Variants in PRKCQ observed in about 807,000 individuals in gnomAD.
The protein encoded by PRKCQ is protein kinase C theta.
Under a neutral mutation model 91.2 loss-of-function variants are expected in PRKCQ, and 41 were observed. The observed-to-expected ratio is 0.45, with a 90% CI of 0.35 to 0.58. PRKCQ has a LOEUF of 0.58. Ranked by LOEUF, PRKCQ falls within the 20% of genes least tolerant of loss-of-function variation. The pLI, the probability that PRKCQ is intolerant of heterozygous loss-of-function variation, is 0.00. For missense variants in PRKCQ, 673 were observed against 896.5 expected (o/e 0.75, Z 3.18); for synonymous variants, 307 against 316.9 (o/e 0.97, Z 0.33).
Position 6,464,304 on chromosome 10 carries a change from G to C in PRKCQ, c.1445+9C>G. 1 of 1,610,246 alleles carries C rather than the reference G, an allele frequency of 6.2e-7. No individual in the cohort carries two copies. Among genetic ancestry groups the C allele is most frequent in the Non-Finnish European group, 8.5e-7 (1 of 1,178,098 alleles). On this transcript the variant is annotated intron_variant, in intron 13 of 17. Coordinates refer to ENST00000263125, the MANE Select transcript of PRKCQ (RefSeq NM_006257.5). The stretch of plus-strand genomic sequence containing the variant: ...GTGGAAAACTCCCAAACCCTTTAAA[G>C]CCTCTTACGTCGCTCTGGAAAGGTC...
intron 17 of PRKCQ, among the ~76,000 whole-genome samples, chr10:6,428,907 G>A (rs1368562426): frequency 6.6e-6 from 1 of 152,174 alleles, no homozygotes; most frequent in African/African-American, 2.4e-5. Flanking sequence ...CACAGACTGG[G>A]ACAGACTCCT....
chr10:6,505,668 CTT>C (rs1470292881), intron 4 of PRKCQ, among the ~76,000 whole-genome samples: 1 of 148,240 alleles, frequency 6.7e-6, no homozygotes, highest in African/African-American at 2.5e-5. Flanking sequence ...TCTTTCCTTT[CTT>C]TCTTTCACTG....
intron 12 of PRKCQ, among the ~76,000 whole-genome samples, chr10:6,478,496 A>G (rs4750517): frequency 0.28 from 42,896 of 152,028 alleles, 6,176 homozygotes; most frequent in Middle Eastern, 0.32. Flanking sequence ...GGGTCCCAAC[A>G]CCGAGTGGGA....
chr10:6,477,143 T>C (rs904587362), intron 12 of PRKCQ, among the ~76,000 whole-genome samples: 4 of 152,218 alleles, frequency 2.6e-5, no homozygotes, highest in African/African-American at 7.2e-5. Context: ...CCCAAGGCCC[T>C]TTCTGCCCAT....
chr10:6,527,985 C>CT (rs1264707335), intron 1 of PRKCQ, among the ~76,000 whole-genome samples: 1 of 152,204 alleles, frequency 6.6e-6, no homozygotes, highest in Non-Finnish European at 1.5e-5. Context: ...TCTCCTGACT[C>CT]TGAGGCAGGT....
At chr10:6,441,568 A>G (rs1329630176) in intron 16 of PRKCQ, among the ~76,000 whole-genome samples, 1 of 151,994 alleles carries the variant, frequency 6.6e-6, no homozygotes, top group Non-Finnish European at 1.5e-5. Context: ...CCAAGTAGCT[A>G]GAAGATTGAT....
At chr10:6,470,633 GAGA>G (rs1243043618) in intron 12 of PRKCQ, among the ~76,000 whole-genome samples, 1 of 152,166 alleles carries the variant, frequency 6.6e-6, no homozygotes, top group Non-Finnish European at 1.5e-5. Context: ...CAAGGAGATG[GAGA>G]AGAACGATTT....
chr10:6,513,363 T>C (rs1838582530), intron 2 of PRKCQ, among the ~76,000 whole-genome samples: 1 of 150,478 alleles, frequency 6.6e-6, no homozygotes, highest in Admixed American at 6.7e-5. Context: ...GGCTAATATT[T>C]AGGAAAACCA....
chr10:6,415,405 CATATATATATATATATATATAT>C, the PRKCQ span, among the ~76,000 whole-genome samples: 793 of 104,836 alleles, frequency 7.6e-3, 24 homozygotes, highest in East Asian at 0.035. Flanking sequence ...CAAGAAAATA[CATATATATATATATATATATAT>C]ATATATATAT....
the PRKCQ span, among the ~76,000 whole-genome samples, chr10:6,419,998 T>C: frequency 6.6e-6 from 1 of 151,568 alleles, no homozygotes; most frequent in Admixed American, 6.6e-5. Flanking sequence ...CGAAATCTCC[T>C]TTTTTTTGAG....
In PRKCQ at chr10:6,479,179, G is replaced by A; in HGVS notation, c.1180-14C>T. 1 of 1,611,770 alleles carries A rather than the reference G, an allele frequency of 6.2e-7. No individual in the cohort carries two copies. ...TGCCAGGAAGACCTAGAAGGAGAGG[G>A]AAGAAGTAACTTTATTTTAGAATTT... On this transcript the variant is annotated splice_polypyrimidine_tract_variant and intron_variant, in intron 11 of 17. Transcript: ENST00000263125.
intron 15 of PRKCQ, among the ~76,000 whole-genome samples, chr10:6,442,351 A>G (rs748860886): frequency 1.3e-5 from 2 of 152,200 alleles, no homozygotes; most frequent in Non-Finnish European, 2.9e-5. Flanking sequence ...CTATGCCATT[A>G]GTTTTTATTT....
the PRKCQ span, among the ~76,000 whole-genome samples, chr10:6,418,964 TATCTATCTATCTATCTATC>T: frequency 2.4e-4 from 12 of 50,640 alleles, no homozygotes; most frequent in Non-Finnish European, 4.9e-4. Context: ...AATATCTATC[TATCTATCTATCTATCTATC>T]TATCTATCTA....
At chr10:6,530,381 G>C (rs1042658524) in intron 1 of PRKCQ, among the ~76,000 whole-genome samples, 1 of 152,210 alleles carries the variant, frequency 6.6e-6, no homozygotes. Context: ...TCCCGCGGGC[G>C]TGTGACACTT....
At chr10:6,572,511 T>C (rs939050299) in intron 1 of PRKCQ, among the ~76,000 whole-genome samples, 2 of 152,182 alleles carry the variant, frequency 1.3e-5, no homozygotes, top group Admixed American at 6.5e-5. Flanking sequence ...TGTGTTAGTT[T>C]GCTGAGGATG....
intron 1 of PRKCQ, among the ~76,000 whole-genome samples, chr10:6,556,095 A>G (rs1406938114): frequency 6.6e-6 from 1 of 152,120 alleles, no homozygotes; most frequent in African/African-American, 2.4e-5. Flanking sequence ...ACAGCAGAAG[A>G]ATAACTTATT....
chr10:6,458,915 A>G (rs1835176459), intron 14 of PRKCQ, among the ~76,000 whole-genome samples: 1 of 152,118 alleles, frequency 6.6e-6, no homozygotes, highest in African/African-American at 2.4e-5. Flanking sequence ...GTGGTTTTAC[A>G]TTTGACCCAA....
At chr10:6,449,109 A>T (rs1324788310) in intron 15 of PRKCQ, among the ~76,000 whole-genome samples, 4 of 152,206 alleles carry the variant, frequency 2.6e-5, no homozygotes, top group African/African-American at 9.6e-5. Flanking sequence ...TTGAGAGAAG[A>T]AGGCTTCAGA....
intron 1 of PRKCQ, among the ~76,000 whole-genome samples, chr10:6,531,874 T>G (rs1226431796): frequency 6.6e-6 from 1 of 152,202 alleles, no homozygotes; most frequent in Non-Finnish European, 1.5e-5. Context: ...TGCCCTCTCA[T>G]GTAACAGAAG....
Sources: gnomAD v4.1 joint callset for allele counts (sites outside exome capture counted in the v4.1 genomes callset) on GRCh38, gnomAD v4.1.1 for gene constraint, MANE v1.5 for transcripts, NCBI Gene and HGNC (gene_info 2026-07-23, HGNC 2026-07-21) for gene names.